Variants in FGD6 observed in about 807,000 individuals in gnomAD.
FGD6 encodes FYVE, RhoGEF and PH domain-containing protein 6.
A neutral mutation model predicts 149.4 loss-of-function variants in FGD6; 90 were observed. That is an observed-to-expected ratio of 0.60 (90% CI 0.51 to 0.72). The LOEUF (loss-of-function observed/expected upper bound fraction) is 0.72. Among genes scored for constraint, FGD6 ranks in the 30% least tolerant of loss-of-function variants. FGD6 has a pLI of 0.00. For synonymous variants in FGD6, 527 were observed against 584.0 expected, an observed-to-expected ratio of 0.90 and a Z score of 1.41; for missense variants, 1,437 against 1,684.8, an observed-to-expected ratio of 0.85 and a Z score of 2.57.
Position 95,079,877 on chromosome 12 carries a change from T to C in FGD6, c.*1643A>G. 1.3e-5 allele frequency: 2 copies of C among 152,166 alleles called. 1 individual carries two copies. Among genetic ancestry groups the C allele is most frequent in the Non-Finnish European group, 2.9e-5 (2 of 68,030 alleles). 9.4% of individuals were successfully genotyped at this position (152,166 alleles called of 1,614,324 possible). A position where few individuals can be genotyped will look rare whatever the true frequency, so the allele number is the denominator to read the frequency against. ...GATCACACTGAATTAGGAAATCCTT[T>C]ATTTAGAGGCAGAAAGGAAAATTCT... On this transcript the variant is annotated 3_prime_UTR_variant, in exon 21 of 21. Transcript: ENST00000343958.
chr12:95,145,984 T>C (rs1880004969), intron 5 of FGD6, among the ~76,000 whole-genome samples: 4 of 152,280 alleles, frequency 2.6e-5, no homozygotes, highest in East Asian at 1.9e-4. Context: ...CCCTATGCCA[T>C]TGTGATAGTC....
At chr12:95,155,486 C>T (rs1880441617) in intron 3 of FGD6, among the ~76,000 whole-genome samples, 1 of 152,164 alleles carries the variant, frequency 6.6e-6, no homozygotes, top group Non-Finnish European at 1.5e-5. Context: ...CGAGATGGTG[C>T]CACTGCACTC....
At chr12:95,142,535 C>A (rs1472982987) in intron 5 of FGD6, among the ~76,000 whole-genome samples, 1 of 152,194 alleles carries the variant, frequency 6.6e-6, no homozygotes, top group Non-Finnish European at 1.5e-5. Context: ...ACTAGGGCCT[C>A]CCAAAGTGCT....
At chr12:95,146,855 C>T (rs902626063) in intron 5 of FGD6, among the ~76,000 whole-genome samples, 6 of 150,062 alleles carry the variant, frequency 4.0e-5, no homozygotes, top group Non-Finnish European at 8.9e-5. Flanking sequence ...CAGCTCGAAT[C>T]ACTTAGGGAA....
At chr12:95,107,410 T>C (rs1878665474) in intron 12 of FGD6, among the ~76,000 whole-genome samples, 153 bp downstream of exon 12, 1 of 152,236 alleles carries the variant, frequency 6.6e-6, no homozygotes, top group African/African-American at 2.4e-5. Flanking sequence ...TTATTTCCCA[T>C]ACTTGAAATG....
intron 2 of FGD6, among the ~76,000 whole-genome samples, chr12:95,182,357 C>A (rs529937827): frequency 6.6e-6 from 1 of 151,824 alleles, no homozygotes; most frequent in Non-Finnish European, 1.5e-5. Flanking sequence ...TGCCCCACCA[C>A]GCCCGGCTAA....
In FGD6 at chr12:95,211,238, G is replaced by C; in HGVS notation, c.46C>G (p.Pro16Ala). ...EIKKPPVAPK[P>A]KFVVANNKPA... ...TTATTATTTGCCACAACAAACTTGG[G>C]CTTGGGGGCCACTGGTGGCTTCTTT... The change falls in exon 2 of 21, where the codon CCC becomes GCC. Residue 16 changes from proline (P) to alanine (A), a missense_variant. Around this residue, in one of 2 missense-constraint regions of FGD6, gnomAD observed 1,055 missense variants for 1,146.0 expected, o/e 0.92. Transcript: ENST00000343958. The C allele has an allele frequency of 6.3e-7, 1 of 1,594,066 alleles. No homozygotes were observed. The highest frequency in any genetic ancestry group is 8.5e-7 in the Non-Finnish European group (1 of 1,173,854).
At chr12:95,163,196 C>T (rs1880696673) in intron 3 of FGD6, among the ~76,000 whole-genome samples, 1 of 152,160 alleles carries the variant, frequency 6.6e-6, no homozygotes, top group African/African-American at 2.4e-5. Flanking sequence ...CTCTCTAACC[C>T]ACCACGCTGC....
In FGD6 at chr12:95,217,390, C is replaced by A. The variant is rs1487132918; in HGVS notation, c.-150G>T. On this transcript the variant is annotated 5_prime_UTR_variant, in exon 1 of 21. Transcript: ENST00000343958. ...CCCGCGGCGCAGCCTGAGCGCCACACAAAGGACGCGGCCGACTCTAGCGAC... is the reference window on the plus strand; with the variant it reads ...CCCGCGGCGCAGCCTGAGCGCCACAAAAAGGACGCGGCCGACTCTAGCGAC... The A allele has an allele frequency of 1.6e-6, 2 of 1,272,456 alleles. No homozygotes were observed. The highest frequency in any genetic ancestry group is 3.7e-5 in the Admixed American group (1 of 27,046). 78.8% of individuals were successfully genotyped at this position (1,272,456 alleles called of 1,614,324 possible).
rs542720860 is a variant in FGD6 at position 95,098,293 on chromosome 12, G to T, written c.3498-3599C>A. Among the ~76,000 whole-genome samples, 3 of 152,202 alleles carry T rather than the reference G, an allele frequency of 2.0e-5. No individual in the cohort carries two copies. The East Asian group carries it at 5.8e-4, about 29-fold the overall frequency. On this transcript the variant is annotated intron_variant, in intron 14 of 20. Transcript: ENST00000343958. ...CTCTGAAGAACTCCTCTTATACCCTGTGTCCAATCAGTCCCCTCCTTTAGG... is the reference window on the plus strand; with the variant it reads ...CTCTGAAGAACTCCTCTTATACCCTTTGTCCAATCAGTCCCCTCCTTTAGG...
intron 5 of FGD6, among the ~76,000 whole-genome samples, chr12:95,149,234 ATT>A (rs1880190739): frequency 5.4e-5 from 2 of 37,358 alleles, no homozygotes; most frequent in Non-Finnish European, 8.4e-5. Context: ...TAGCATATAT[ATT>A]ATATAATATA....
chr12:95,167,477 T>C (rs1223350710), intron 3 of FGD6, among the ~76,000 whole-genome samples: 3 of 152,202 alleles, frequency 2.0e-5, no homozygotes, highest in African/African-American at 4.8e-5. Context: ...TAACGGCTTA[T>C]GATGTTGAAC....
chr12:95,209,188 T>C lies in FGD6; in HGVS notation c.2096A>G (p.Glu699Gly). ...AGACTTCTTCCTCTTCTTTTGAGAT[T>C]CCAGGCTATAGTTTTCTGTGGAATA... Reference protein sequence around the residue: ...KAYSTENYSLESQKKRKKSRG... With the variant: ...KAYSTENYSLGSQKKRKKSRG... The change falls in exon 2 of 21, where the codon GAA (glutamate) becomes GGA (glycine). Residue 699 changes from glutamate to glycine, a missense_variant. By Grantham distance (98) the Glu-to-Gly change is moderately conservative. Transcript: ENST00000343958. The C allele has an allele frequency of 6.2e-7, 1 of 1,614,158 alleles. No individual in the cohort carries two copies. Among genetic ancestry groups the C allele is most frequent in the South Asian group, 1.1e-5 (1 of 91,084 alleles).
intron 20 of FGD6, 129 bp from the exon 21 acceptor site, chr12:95,081,685 A>ATTTT (rs745458824): frequency 3.1e-4 from 72 of 232,588 alleles, no homozygotes; most frequent in Non-Finnish European, 3.6e-4. Flanking sequence ...ATATATATGT[A>ATTTT]TTTTTTTTTT....
chr12:95,162,539 G>GAATA (rs759263797), intron 3 of FGD6, among the ~76,000 whole-genome samples: 5 of 151,970 alleles, frequency 3.3e-5, no homozygotes, highest in African/African-American at 4.8e-5. Flanking sequence ...AAAATTGAAT[G>GAATA]AATAAATAAA....
intron 8 of FGD6, among the ~76,000 whole-genome samples, chr12:95,134,452 C>T (rs944603729): frequency 3.9e-5 from 6 of 151,940 alleles, no homozygotes; most frequent in Non-Finnish European, 5.9e-5. Context: ...AAATGATGCA[C>T]GGGTATGGGC....
At chr12:95,192,432 CA>C (rs1881618115) in intron 2 of FGD6, among the ~76,000 whole-genome samples, 1 of 152,128 alleles carries the variant, frequency 6.6e-6, no homozygotes, top group African/African-American at 2.4e-5. Context: ...CAGGATATGC[CA>C]GGCAATATGC....
At chr12:95,141,761 A>G (rs141339562) in intron 5 of FGD6, among the ~76,000 whole-genome samples, 132 of 152,272 alleles carry the variant, frequency 8.7e-4, no homozygotes, top group Non-Finnish European at 1.4e-3. Flanking sequence ...CAAACATACT[A>G]TATGATATTT....
In FGD6 at chr12:95,143,284, TTTTTTTTTG is replaced by T. The variant is rs1371537565; in HGVS notation, c.2686-1754_2686-1746del. On this transcript the variant is annotated intron_variant, in intron 5 of 20. Transcript: ENST00000343958. Reference sequence around the variant, plus strand: ...ATACATATATTAACCATGAGGTTTGTTTTTTTTTGTTTTTTTTTTTTTTAACTCTGGACA... The same window carrying T: ...ATACATATATTAACCATGAGGTTTGTTTTTTTTTTTTTTTAACTCTGGACA... Among the ~76,000 whole-genome samples, 3 of 56,094 alleles carry T rather than the reference TTTTTTTTTG, an allele frequency of 5.3e-5. No homozygotes were observed. In the East Asian group the frequency reaches 1.5e-3, roughly 27 times the overall value. The allele number at this position is 56,094 out of a possible 152,430, so 36.8% of individuals were successfully genotyped here. A position where few individuals can be genotyped will look rare whatever the true frequency, so the allele number is the denominator to read the frequency against.
Sources: gnomAD v4.1 joint callset for allele counts (sites outside exome capture counted in the v4.1 genomes callset) on GRCh38, gnomAD v4.1.1 for gene constraint, gnomAD v4.1.1 regional missense constraint, MANE v1.5 for transcripts, NCBI Gene and HGNC (gene_info 2026-07-23, HGNC 2026-07-21) for gene names.